DPP10: variants seen among roughly 807,000 people sequenced by gnomAD.
The protein encoded by DPP10 is inactive dipeptidyl peptidase 10.
In DPP10, 33 loss-of-function variants were observed where a neutral mutation model predicts 120.9. That is an observed-to-expected ratio of 0.27 (90% CI 0.21 to 0.37). DPP10 has a LOEUF of 0.37. Among genes scored for constraint, DPP10 ranks in the 10% least tolerant of loss-of-function variants. The pLI is 1.00. For missense variants in DPP10, 816 were observed against 942.8 expected, an observed-to-expected ratio of 0.87 and a Z score of 1.76; for synonymous variants, 337 against 326.1, an observed-to-expected ratio of 1.03 and a Z score of -0.36.
At chr2:114,942,499 T>C (rs1697037662) in intron 1 of DPP10, among the ~76,000 whole-genome samples, 1 of 150,638 alleles carries the variant, frequency 6.6e-6, no homozygotes, top group African/African-American at 2.4e-5. Context: ...GAAGGATGGT[T>C]GAAAGATTGT....
chr2:115,108,058 C>T (rs2049035651), intron 1 of DPP10, among the ~76,000 whole-genome samples: 1 of 152,094 alleles, frequency 6.6e-6, no homozygotes. Context: ...TTTACTCACC[C>T]TTTTCATGGT....
chr2:114,890,934 G>C (rs1217995292), intron 1 of DPP10, among the ~76,000 whole-genome samples: 2 of 151,674 alleles, frequency 1.3e-5, no homozygotes, highest in East Asian at 1.9e-4. Context: ...ACGGTAGCAG[G>C]GTACAATATA....
At chr2:115,539,581 C>T (rs552449228) in intron 5 of DPP10, among the ~76,000 whole-genome samples, 1 of 151,974 alleles carries the variant, frequency 6.6e-6, no homozygotes, top group East Asian at 1.9e-4. Flanking sequence ...AGTTTTACTT[C>T]TGAAATACAT....
chr2:114,822,467 G>A (rs1464511797), intron 1 of DPP10, among the ~76,000 whole-genome samples: 7 of 152,136 alleles, frequency 4.6e-5, no homozygotes, highest in African/African-American at 1.7e-4. Flanking sequence ...TCTCTGACAT[G>A]CCCTGAAGAC....
intron 3 of DPP10, among the ~76,000 whole-genome samples, chr2:115,366,805 G>T (rs1048129437): frequency 6.6e-6 from 1 of 151,976 alleles, no homozygotes; most frequent in South Asian, 2.1e-4. Flanking sequence ...TGTAATAATT[G>T]ATATTGTGTC....
intron 1 of DPP10, among the ~76,000 whole-genome samples, chr2:115,020,085 C>G (rs1304852002): frequency 6.6e-6 from 1 of 151,982 alleles, no homozygotes; most frequent in Non-Finnish European, 1.5e-5. Context: ...AGTTATATAA[C>G]AATAACACAG....
intron 1 of DPP10, among the ~76,000 whole-genome samples, chr2:114,451,852 C>A (rs1027415664): frequency 6.6e-6 from 1 of 152,090 alleles, no homozygotes; most frequent in Admixed American, 6.6e-5. Flanking sequence ...GATGGTAACA[C>A]GTTCCTGGTC....
At chr2:115,667,787 C>A (rs967356919) in intron 5 of DPP10, among the ~76,000 whole-genome samples, 2 of 151,864 alleles carry the variant, frequency 1.3e-5, no homozygotes, top group Non-Finnish European at 2.9e-5. Flanking sequence ...CAGCTTTGTT[C>A]TTTTTGCTTT....
At chr2:114,848,094 A>G (rs1574334069) in intron 1 of DPP10, among the ~76,000 whole-genome samples, 2 of 152,140 alleles carry the variant, frequency 1.3e-5, no homozygotes, top group African/African-American at 4.8e-5. Flanking sequence ...CAGGTGGGAG[A>G]CTGAAACTGA....
chr2:114,480,909 G>C, intron 1 of DPP10, among the ~76,000 whole-genome samples: 1 of 151,684 alleles, frequency 6.6e-6, no homozygotes, highest in East Asian at 1.9e-4. Flanking sequence ...AAAAAGTTTT[G>C]CAGCAAGTGG....
intron 13 of DPP10, among the ~76,000 whole-genome samples, chr2:115,772,847 T>A (rs1681638960): frequency 2.0e-5 from 3 of 152,138 alleles, no homozygotes; most frequent in Admixed American, 6.6e-5. Context: ...TTTCATTGTG[T>A]TCAGTCGTTC....
At chr2:115,354,735 G>A (rs888640707) in intron 3 of DPP10, among the ~76,000 whole-genome samples, 1 of 150,730 alleles carries the variant, frequency 6.6e-6, no homozygotes, top group Non-Finnish European at 1.5e-5. Flanking sequence ...GGTGTGTGTT[G>A]TTCCCCTCCC....
intron 1 of DPP10, among the ~76,000 whole-genome samples, chr2:114,534,437 A>G (rs1686316804): frequency 6.6e-6 from 1 of 152,134 alleles, no homozygotes. Context: ...TGAAGCTCTC[A>G]TTGTCTGGTA....
chr2:115,767,580 G>A (rs1003617523), intron 12 of DPP10, among the ~76,000 whole-genome samples: 3 of 151,364 alleles, frequency 2.0e-5, no homozygotes, highest in Admixed American at 6.6e-5. Context: ...TATAGTGTGT[G>A]TGTGTATATA....
chr2:115,215,235 A>C (rs773382066), intron 1 of DPP10, among the ~76,000 whole-genome samples: 1 of 152,196 alleles, frequency 6.6e-6, no homozygotes, highest in Non-Finnish European at 1.5e-5. Flanking sequence ...AGCATAACTT[A>C]TGATATTTGT....
chr2:115,274,391 G>A (rs1286370540), intron 1 of DPP10, among the ~76,000 whole-genome samples: 1 of 151,912 alleles, frequency 6.6e-6, no homozygotes, highest in Non-Finnish European at 1.5e-5. Flanking sequence ...TTTTTCCCTG[G>A]TGAATATTTA....
intron 25 of DPP10, 33 bp downstream of exon 25, chr2:115,840,856 T>G: frequency 6.3e-7 from 1 of 1,582,568 alleles, no homozygotes; most frequent in Non-Finnish European, 8.6e-7. Flanking sequence ...CGTGTTTTCC[T>G]GCTGTGTTTT....
intron 19 of DPP10, among the ~76,000 whole-genome samples, chr2:115,805,836 A>G (rs1350511866): frequency 6.6e-6 from 1 of 152,004 alleles, no homozygotes; most frequent in Non-Finnish European, 1.5e-5. Flanking sequence ...TGGCCTCCCA[A>G]AGTGCTGGGA....
chr2:114,865,263 T>G (rs1045420219), intron 1 of DPP10, among the ~76,000 whole-genome samples: 2 of 152,190 alleles, frequency 1.3e-5, no homozygotes, highest in Non-Finnish European at 2.9e-5. Flanking sequence ...TTTTAATTGG[T>G]CTCAATATAC....
Sources: allele counts gnomAD v4.1 joint callset (sites outside exome capture counted in the v4.1 genomes callset), GRCh38; gene constraint gnomAD v4.1.1; transcripts MANE v1.5; gene names NCBI Gene and HGNC (gene_info 2026-07-23, HGNC 2026-07-21).